The following NDFIP2 variants were observed in gnomAD, a reference collection of about 807,000 sequenced individuals.
The protein encoded by NDFIP2 is Nedd4 family interacting protein 2.
Under a neutral mutation model 36.0 loss-of-function variants are expected in NDFIP2, and 19 were observed. The ratio of observed to expected loss-of-function variants is 0.53; its 90% confidence interval spans 0.37 to 0.77. NDFIP2 has a LOEUF of 0.77. Among genes scored for constraint, NDFIP2 ranks in the 30% least tolerant of loss-of-function variants. NDFIP2 has a pLI of 0.00. For missense variants in NDFIP2, 446 were observed against 435.8 expected, an observed-to-expected ratio of 1.02 and a Z score of -0.21; for synonymous variants, 181 against 167.7, an observed-to-expected ratio of 1.08 and a Z score of -0.61.
At chr13:79,491,483 CA>C (rs1415843847) in intron 1 of NDFIP2, among the ~76,000 whole-genome samples, 1 of 152,130 alleles carries the variant, frequency 6.6e-6, no homozygotes, top group Non-Finnish European at 1.5e-5. Flanking sequence ...AAGCCATATG[CA>C]GTGGCCCTGC....
chr13:79,529,931 C>T (rs182445189), intron 2 of NDFIP2, among the ~76,000 whole-genome samples: 25 of 152,258 alleles, frequency 1.6e-4, no homozygotes, highest in Non-Finnish European at 3.1e-4. Context: ...CCAGTGCATA[C>T]AAAAGTTATG....
intron 2 of NDFIP2, among the ~76,000 whole-genome samples, chr13:79,521,461 A>G (rs1402544784): frequency 6.6e-6 from 1 of 152,176 alleles, no homozygotes; most frequent in Non-Finnish European, 1.5e-5. Context: ...TTAATTTTAT[A>G]TGTGATTATA....
Position 79,552,721 on chromosome 13 carries a change from C to T in NDFIP2, c.*208C>T, listed in dbSNP as rs1433156534. 1 of 151,814 alleles carries T rather than the reference C, an allele frequency of 6.6e-6. No homozygotes were observed. Among genetic ancestry groups the T allele is most frequent in the Non-Finnish European group, 1.5e-5 (1 of 67,466 alleles). The allele number at this position is 151,814 out of a possible 1,614,324, so 9.4% of individuals were successfully genotyped here. A position where few individuals can be genotyped will look rare whatever the true frequency, so the allele number is the denominator to read the frequency against. ...GTATCTATATTTCATTTGTTTTGCA[C>T]ATATGCATATGTGCCCATTTAAGAT... On this transcript the variant is annotated 3_prime_UTR_variant, in exon 8 of 8. Transcript: ENST00000218652.
chr13:79,542,883 CTT>C (rs113529957), intron 4 of NDFIP2, among the ~76,000 whole-genome samples: 4 of 144,884 alleles, frequency 2.8e-5, no homozygotes, highest in African/African-American at 2.5e-5. Flanking sequence ...CTTTTTTTTC[CTT>C]TTTTTTTTTG....
At chr13:79,513,194 G>A (rs1158133965) in intron 1 of NDFIP2, among the ~76,000 whole-genome samples, 1 of 152,154 alleles carries the variant, frequency 6.6e-6, no homozygotes, top group Non-Finnish European at 1.5e-5. Context: ...GTTGGGGTTA[G>A]CCTTGGAGTC....
intron 5 of NDFIP2, among the ~76,000 whole-genome samples, chr13:79,546,899 A>G (rs1349516511): frequency 6.6e-6 from 1 of 152,174 alleles, no homozygotes; most frequent in Admixed American, 6.5e-5. Flanking sequence ...TGACTAAAAA[A>G]TAGTATAGTA....
chr13:79,503,716 G>A (rs1219785924), intron 1 of NDFIP2, among the ~76,000 whole-genome samples: 1 of 152,108 alleles, frequency 6.6e-6, no homozygotes, highest in African/African-American at 2.4e-5. Context: ...GGATGGTTTA[G>A]TTGTCTTGTA....
intron 1 of NDFIP2, among the ~76,000 whole-genome samples, chr13:79,508,196 TG>T (rs1873943578): frequency 6.6e-6 from 1 of 152,240 alleles, no homozygotes; most frequent in Non-Finnish European, 1.5e-5. Context: ...CAAATATTGC[TG>T]CCTTGAACAT....
chr13:79,483,425 CTT>C (rs2079826874), intron 1 of NDFIP2, among the ~76,000 whole-genome samples: 1 of 152,044 alleles, frequency 6.6e-6, no homozygotes. Context: ...TTTCAATAGA[CTT>C]TTTAAACTAG....
chr13:79,543,421 T>C, intron 4 of NDFIP2, 137 bp from the exon 5 acceptor site: 1 of 1,102,878 alleles, frequency 9.1e-7, no homozygotes, highest in Non-Finnish European at 1.3e-6. Flanking sequence ...GGCTATAGTC[T>C]ATAAAGAAGG....
intron 1 of NDFIP2, among the ~76,000 whole-genome samples, chr13:79,504,633 A>AT (rs11350629): frequency 8.5e-4 from 126 of 148,480 alleles, no homozygotes; most frequent in East Asian, 1.8e-3. Context: ...AGTTCTCTAA[A>AT]TTTTTTTTTT....
At chr13:79,481,998 A>C (rs1471822696) in intron 1 of NDFIP2, among the ~76,000 whole-genome samples, 2 of 151,786 alleles carry the variant, frequency 1.3e-5, no homozygotes, top group Non-Finnish European at 2.9e-5. Flanking sequence ...TGGGATGTGG[A>C]TTTGGCAAAA....
chr13:79,484,606 A>G (rs549821781), intron 1 of NDFIP2, among the ~76,000 whole-genome samples: 2 of 152,304 alleles, frequency 1.3e-5, no homozygotes, highest in Admixed American at 1.3e-4. Flanking sequence ...AAATTTTAAG[A>G]TTATGTTAAC....
At chr13:79,538,068 A>G (rs1472135183) in intron 3 of NDFIP2, among the ~76,000 whole-genome samples, 2 of 152,096 alleles carry the variant, frequency 1.3e-5, no homozygotes, top group Non-Finnish European at 2.9e-5. Flanking sequence ...GTGATGCCAC[A>G]CACTTTTAAA....
At chr13:79,533,120 C>T (rs1344568287) in intron 2 of NDFIP2, among the ~76,000 whole-genome samples, 1 of 152,078 alleles carries the variant, frequency 6.6e-6, no homozygotes, top group Non-Finnish European at 1.5e-5. Context: ...GGTATTTATC[C>T]ATTCTTTCTC....
At chr13:79,545,893 G>A (rs1264297256) in intron 5 of NDFIP2, among the ~76,000 whole-genome samples, 3 of 152,070 alleles carry the variant, frequency 2.0e-5, no homozygotes, top group Admixed American at 1.3e-4. Flanking sequence ...ATGCCTCCAC[G>A]CCTGGCTAAT....
intron 1 of NDFIP2, among the ~76,000 whole-genome samples, chr13:79,494,870 A>G (rs963988476): frequency 6.6e-6 from 1 of 151,962 alleles, no homozygotes; most frequent in African/African-American, 2.4e-5. Context: ...CCAATATTGG[A>G]GATTTTCTAA....
At chr13:79,518,027 G>A (rs1237808512) in intron 1 of NDFIP2, among the ~76,000 whole-genome samples, 1 of 74,018 alleles carries the variant, frequency 1.4e-5, no homozygotes, top group African/African-American at 1.5e-4. Context: ...GTAGACATCT[G>A]TATTAACTTT....
Position 79,481,236 on chromosome 13 carries a change from G to C in NDFIP2, c.33G>C (p.Ala11=). 1 of 1,523,498 alleles carries C rather than the reference G, an allele frequency of 6.6e-7. No homozygotes were observed. The highest frequency in any genetic ancestry group is 8.8e-7 in the Non-Finnish European group (1 of 1,140,816). The allele number at this position is 1,523,498 out of a possible 1,614,324, so 94.4% of individuals were successfully genotyped here. A position where few individuals can be genotyped will look rare whatever the true frequency, so the allele number is the denominator to read the frequency against. MARRRSQRVC[A]SGPSMLNSAR... is the part of the protein sequence containing the mutation. Reference sequence around the variant, plus strand: ...GCCGGCGGAGCCAGCGAGTCTGCGCGAGCGGTCCGAGCATGCTCAATAGCG... The same window carrying C: ...GCCGGCGGAGCCAGCGAGTCTGCGCCAGCGGTCCGAGCATGCTCAATAGCG... Residue 11 remains alanine (A), a synonymous_variant, in exon 1 of 8, where the codon GCG becomes GCC. Transcript: ENST00000218652.
Sources: allele counts gnomAD v4.1 joint callset (sites outside exome capture counted in the v4.1 genomes callset), GRCh38; gene constraint gnomAD v4.1.1; transcripts MANE v1.5; gene names NCBI Gene and HGNC (gene_info 2026-07-23, HGNC 2026-07-21).